The following WDPCP variants were observed in gnomAD, a reference collection of about 807,000 sequenced individuals.
WDPCP encodes the protein WD repeat-containing and planar cell polarity effector protein fritz homolog.
A neutral mutation model predicts 93.1 loss-of-function variants in WDPCP; 71 were observed. The ratio of observed to expected loss-of-function variants is 0.76; its 90% CI spans 0.63 to 0.93. The LOEUF is 0.93. WDPCP is among the 40% of genes least tolerant of loss of function. The pLI is 0.00. For synonymous variants in WDPCP, 315 were observed against 315.0 expected (o/e 1.00, Z 0.00); for missense variants, 844 against 887.4 (o/e 0.95, Z 0.62).
chr2:63,634,606 G>C (rs1288227124), intron 3 of WDPCP, among the ~76,000 whole-genome samples: 1 of 152,106 alleles, frequency 6.6e-6, no homozygotes, highest in Non-Finnish European at 1.5e-5. Flanking sequence ...CTCCAGGGTA[G>C]ATCATATGTC....
intron 2 of WDPCP, 77 bp from the exon 3 acceptor site, chr2:63,487,571 G>A (rs897994170): frequency 9.2e-7 from 1 of 1,082,896 alleles, no homozygotes; most frequent in Non-Finnish European, 1.4e-6. Context: ...TACTATATTA[G>A]GGGAAGGATA....
chr2:63,162,522 A>T (rs1672710717), intron 15 of WDPCP, among the ~76,000 whole-genome samples: 1 of 152,178 alleles, frequency 6.6e-6, no homozygotes, highest in Non-Finnish European at 1.5e-5. Flanking sequence ...ATACTGATAA[A>T]CTAATATTTC....
At chr2:63,269,518 G>T (rs1682447586) in intron 13 of WDPCP, among the ~76,000 whole-genome samples, 1 of 152,068 alleles carries the variant, frequency 6.6e-6, no homozygotes, top group African/African-American at 2.4e-5. Flanking sequence ...CTACCAGAAT[G>T]AATATGCAAA....
intron 1 of WDPCP, among the ~76,000 whole-genome samples, chr2:63,498,001 C>A (rs1701332963): frequency 6.6e-6 from 1 of 152,000 alleles, no homozygotes; most frequent in Non-Finnish European, 1.5e-5. Context: ...AGCAATATAA[C>A]CCAATGCACA....
In WDPCP at chr2:63,578,950, C is replaced by T. The variant is rs550540376; in HGVS notation, c.75+9247G>A. ...TTGGAATCTCACAGTTTGGCTTTCCCTGGGTTCCCCTGAGGTCTTCCTAAG... is the reference window on the plus strand; with the variant it reads ...TTGGAATCTCACAGTTTGGCTTTCCTTGGGTTCCCCTGAGGTCTTCCTAAG... On this transcript the variant is annotated intron_variant, in intron 1 of 17. Coordinates refer to ENST00000272321, the MANE Select transcript of WDPCP (RefSeq NM_015910.7). Among the ~76,000 whole-genome samples the T allele has an allele frequency of 8.5e-5, 13 of 152,290 alleles. No homozygotes were observed. The East Asian group carries it at 2.5e-3, about 29-fold the overall frequency.
intron 14 of WDPCP, among the ~76,000 whole-genome samples, chr2:63,197,912 A>G (rs1675579442): frequency 6.6e-6 from 1 of 152,210 alleles, no homozygotes; most frequent in Non-Finnish European, 1.5e-5. Flanking sequence ...AAATCTGCAA[A>G]GTCCCTTTTG....
chr2:63,793,821 A>G (rs1670577314), intron 2 of WDPCP, among the ~76,000 whole-genome samples: 1 of 152,038 alleles, frequency 6.6e-6, no homozygotes, highest in Admixed American at 6.6e-5. Context: ...GACAATTTAT[A>G]TCAAGAAATT....
chr2:63,468,418 G>A (rs1014082417), intron 6 of WDPCP, among the ~76,000 whole-genome samples: 1 of 152,154 alleles, frequency 6.6e-6, no homozygotes, highest in Admixed American at 6.6e-5. Flanking sequence ...AATTAAAACA[G>A]CTGTTTACTG....
chr2:63,603,108 C>T (rs574214712), intron 3 of WDPCP, among the ~76,000 whole-genome samples: 6 of 151,918 alleles, frequency 3.9e-5, no homozygotes, highest in East Asian at 3.9e-4. Context: ...TACAGGCACA[C>T]GCTGCCACAC....
At chr2:63,213,227 A>G (rs1271784010) in intron 14 of WDPCP, among the ~76,000 whole-genome samples, 1 of 152,334 alleles carries the variant, frequency 6.6e-6, no homozygotes, top group South Asian at 2.1e-4. Context: ...TTGGAAGTAA[A>G]GCACTCCTCA....
chr2:63,771,055 C>T (rs1242469683), intron 2 of WDPCP, among the ~76,000 whole-genome samples: 1 of 150,734 alleles, frequency 6.6e-6, no homozygotes, highest in African/African-American at 2.4e-5. Flanking sequence ...TAACCTGTAA[C>T]ATAAATATTT....
chr2:63,784,089 T>C (rs1670435801), intron 2 of WDPCP, among the ~76,000 whole-genome samples: 1 of 152,174 alleles, frequency 6.6e-6, no homozygotes, highest in Admixed American at 6.6e-5. Flanking sequence ...GCAATGAGCA[T>C]GTCTCTTCTC....
chr2:63,331,681 C>T (rs1485423160), intron 12 of WDPCP, among the ~76,000 whole-genome samples: 2 of 152,098 alleles, frequency 1.3e-5, no homozygotes, highest in Non-Finnish European at 2.9e-5. Flanking sequence ...GCCCTTAGTC[C>T]ACCCACCTTC....
upstream of WDPCP, among the ~76,000 whole-genome samples, chr2:63,829,472 A>G (rs1671161980): frequency 6.6e-6 from 1 of 152,164 alleles, no homozygotes; most frequent in Non-Finnish European, 1.5e-5. Flanking sequence ...CTACATTTTG[A>G]GAATGAACAA....
At chr2:63,706,294 C>T (rs1047910664) in intron 2 of WDPCP, among the ~76,000 whole-genome samples, 16 of 152,172 alleles carry the variant, frequency 1.1e-4, no homozygotes, top group Admixed American at 2.0e-4. Context: ...AGCCCATTTA[C>T]ATTTAAGGTT....
intron 15 of WDPCP, among the ~76,000 whole-genome samples, chr2:63,169,422 T>C (rs1369518199): frequency 6.6e-6 from 1 of 152,256 alleles, no homozygotes; most frequent in African/African-American, 2.4e-5. Flanking sequence ...AAAAGTTTGA[T>C]ACTTGTTTGA....
chr2:63,692,171 A>G (rs572372786), intron 2 of WDPCP, among the ~76,000 whole-genome samples: 5 of 152,260 alleles, frequency 3.3e-5, no homozygotes, highest in South Asian at 4.1e-4. Context: ...AAACTTTAAT[A>G]TAAGTATATA....
At chr2:63,597,008 G>T (rs1575722170) in intron 3 of WDPCP, among the ~76,000 whole-genome samples, 1 of 152,224 alleles carries the variant, frequency 6.6e-6, no homozygotes, top group African/African-American at 2.4e-5. Context: ...ATTTGTGATT[G>T]GTGTCTTAGA....
chr2:63,475,305 T>C (rs1262882303), intron 6 of WDPCP, among the ~76,000 whole-genome samples: 1 of 152,056 alleles, frequency 6.6e-6, no homozygotes, highest in Non-Finnish European at 1.5e-5. Context: ...CTAGGAATGT[T>C]GTCCTTTCTC....
Sources: gnomAD v4.1 joint callset for allele counts (sites outside exome capture counted in the v4.1 genomes callset) on GRCh38, gnomAD v4.1.1 for gene constraint, MANE v1.5 for transcripts, NCBI Gene and HGNC (gene_info 2026-07-23, HGNC 2026-07-21) for gene names.